Variants in KIAA1671 observed in about 807,000 individuals in gnomAD.
The protein encoded by KIAA1671 is KIAA1671, also known as uncharacterized protein KIAA1671.
Under a neutral mutation model 131.2 loss-of-function variants are expected in KIAA1671, and 52 were observed. The observed-to-expected ratio is 0.40, with a 90% CI of 0.32 to 0.50. The LOEUF (loss-of-function observed/expected upper bound fraction) is 0.50, where lower values mean the gene tolerates loss of function less well. KIAA1671 is among the 20% of genes least tolerant of loss of function. KIAA1671 has a pLI of 0.73. For missense variants in KIAA1671, 2,360 were observed against 2,364.2 expected, an observed-to-expected ratio of 1.00 and a Z score of 0.04; for synonymous variants, 1,003 against 961.6, an observed-to-expected ratio of 1.04 and a Z score of -0.80.
intron 5 of KIAA1671, among the ~76,000 whole-genome samples, chr22:25,043,789 G>T (rs950576491): frequency 6.6e-6 from 1 of 152,204 alleles, no homozygotes; most frequent in Admixed American, 6.5e-5. Context: ...GAGGTGGGAA[G>T]AGCGTAGAAT....
chr22:25,173,484 C>T (rs1824572177), intron 7 of KIAA1671, among the ~76,000 whole-genome samples: 1 of 152,204 alleles, frequency 6.6e-6, no homozygotes, highest in African/African-American at 2.4e-5. Context: ...CCATAGGTAA[C>T]TGCTGATAAC....
At chr22:25,164,822 C>T (rs1428470054) in intron 6 of KIAA1671, among the ~76,000 whole-genome samples, 1 of 152,050 alleles carries the variant, frequency 6.6e-6, no homozygotes, top group Non-Finnish European at 1.5e-5. Flanking sequence ...GTGGCACGCA[C>T]CTGTAGTCCC....
intron 4 of KIAA1671, among the ~76,000 whole-genome samples, chr22:25,034,582 C>G (rs1442027714): frequency 6.6e-6 from 1 of 151,974 alleles, no homozygotes; most frequent in African/African-American, 2.4e-5. Flanking sequence ...TGTGAGTAGA[C>G]CACAATTCGT....
intron 6 of KIAA1671, among the ~76,000 whole-genome samples, chr22:25,169,526 T>C (rs1933770009): frequency 6.6e-6 from 1 of 151,744 alleles, no homozygotes; most frequent in Non-Finnish European, 1.5e-5. Flanking sequence ...CATCCAAGGA[T>C]TGGACTTTTG....
intron 11 of KIAA1671, among the ~76,000 whole-genome samples, chr22:25,190,352 G>A (rs942935727): frequency 3.3e-5 from 5 of 152,194 alleles, no homozygotes; most frequent in Admixed American, 2.6e-4. Flanking sequence ...GAGATCAGGT[G>A]GAATGTGAGT....
At chr22:25,115,371 G>A (rs1363352895) in intron 6 of KIAA1671, among the ~76,000 whole-genome samples, 1 of 152,184 alleles carries the variant, frequency 6.6e-6, no homozygotes, top group African/African-American at 2.4e-5. Flanking sequence ...TTTGGAGTCA[G>A]ACAGACTTAG....
chr22:25,118,241 C>G (rs972262182), intron 6 of KIAA1671, among the ~76,000 whole-genome samples: 1 of 152,088 alleles, frequency 6.6e-6, no homozygotes. Flanking sequence ...TGGTTCCAGG[C>G]ATTCTTTGGC....
chr22:25,017,332 G>A (rs1170206605), intron 1 of KIAA1671, among the ~76,000 whole-genome samples: 6 of 152,096 alleles, frequency 3.9e-5, no homozygotes, highest in Non-Finnish European at 8.8e-5. Flanking sequence ...GCAGTGAGCC[G>A]AGATTGCGCC....
In KIAA1671 at chr22:25,075,027, G is replaced by A. The variant is rs190508881; in HGVS notation, c.4530+25663G>A. ...GGGAGTTCCTGTATACCCTTCGCCC[G>A]GTTCCCCTAATGTTAGCATGTTACT... On this transcript the variant is annotated intron_variant, in intron 6 of 12. Transcript: ENST00000358431. Among the ~76,000 whole-genome samples the A allele has an allele frequency of 2.5e-4, 38 of 152,246 alleles. 1 individual carries two copies. The highest frequency in any genetic ancestry group is 3.4e-3 in the Middle Eastern group (1 of 294).
At chr22:25,091,610 A>G (rs1267212734) in intron 6 of KIAA1671, among the ~76,000 whole-genome samples, 1 of 152,208 alleles carries the variant, frequency 6.6e-6, no homozygotes, top group Non-Finnish European at 1.5e-5. Context: ...CTGCATAGAA[A>G]ACTAAAGCGA....
chr22:25,172,323 G>C (rs980522447), intron 7 of KIAA1671, among the ~76,000 whole-genome samples: 1 of 152,150 alleles, frequency 6.6e-6, no homozygotes, highest in Non-Finnish European at 1.5e-5. Context: ...CAGAGACAAT[G>C]CAACTTCCCC....
intron 6 of KIAA1671, among the ~76,000 whole-genome samples, chr22:25,094,132 A>G (rs1178359340): frequency 6.6e-6 from 1 of 152,104 alleles, no homozygotes; most frequent in Non-Finnish European, 1.5e-5. Flanking sequence ...CCTTCTTGAG[A>G]GAGGAGTTTT....
chr22:25,091,491 G>A (rs1930028544), intron 6 of KIAA1671, among the ~76,000 whole-genome samples: 1 of 152,178 alleles, frequency 6.6e-6, no homozygotes. Context: ...TCGTAAACCA[G>A]TTTACCTTAT....
chr22:25,131,400 C>G (rs553223244), intron 6 of KIAA1671, among the ~76,000 whole-genome samples: 1 of 152,360 alleles, frequency 6.6e-6, no homozygotes, highest in South Asian at 2.1e-4. Context: ...CACCCATGGG[C>G]CTAGCAAGGT....
At chr22:25,099,995 G>A (rs1930583152) in intron 6 of KIAA1671, among the ~76,000 whole-genome samples, 1 of 152,226 alleles carries the variant, frequency 6.6e-6, no homozygotes, top group Non-Finnish European at 1.5e-5. Context: ...AGAAGGTGGT[G>A]CAAGGGCCCC....
chr22:25,033,819 A>T (rs1446379455), intron 4 of KIAA1671, among the ~76,000 whole-genome samples: 25 of 151,536 alleles, frequency 1.6e-4, no homozygotes, highest in African/African-American at 4.8e-5. Context: ...TGACCTCGTG[A>T]TCTGCCCGCT....
intron 6 of KIAA1671, among the ~76,000 whole-genome samples, chr22:25,164,010 T>C (rs1360565078): frequency 1.3e-5 from 2 of 152,194 alleles, no homozygotes; most frequent in Non-Finnish European, 2.9e-5. Flanking sequence ...TGTTACCCTG[T>C]CTCCCCAAAG....
At chr22:25,063,360 A>G (rs1160772154) in intron 6 of KIAA1671, 1 of 152,206 alleles carries the variant, frequency 6.6e-6, no homozygotes, top group African/African-American at 2.4e-5. Context: ...TGTATACACC[A>G]TGGAATACTA....
chr22:24,962,529 C>T (rs1049167394), intron 1 of KIAA1671, among the ~76,000 whole-genome samples: 1 of 152,154 alleles, frequency 6.6e-6, no homozygotes, highest in Non-Finnish European at 1.5e-5. Context: ...GCTGTGTGGC[C>T]TTATGCAAGG....
Sources: allele counts gnomAD v4.1 joint callset (sites outside exome capture counted in the v4.1 genomes callset), GRCh38; gene constraint gnomAD v4.1.1; transcripts MANE v1.5; gene names NCBI Gene and HGNC (gene_info 2026-07-23, HGNC 2026-07-21).